Variants in SMARCD1 observed in about 807,000 individuals in gnomAD.
SMARCD1 encodes SWI/SNF related BAF chromatin remodeling complex subunit D1.
Under a neutral mutation model 70.8 loss-of-function variants are expected in SMARCD1, and 16 were observed. That is an observed-to-expected ratio of 0.23 (90% CI 0.15 to 0.34). SMARCD1 has a LOEUF of 0.34. SMARCD1 is among the 10% of genes least tolerant of loss of function. SMARCD1 has a pLI of 1.00. For missense variants in SMARCD1, 409 were observed against 655.5 expected (o/e 0.62, Z 4.11); for synonymous variants, 249 against 246.0 (o/e 1.01, Z -0.11).
chr12:50,089,654 C>T (rs1434654588), intron 6 of SMARCD1, among the ~76,000 whole-genome samples: 1 of 152,212 alleles, frequency 6.6e-6, no homozygotes, highest in Non-Finnish European at 1.5e-5. Flanking sequence ...AAAATTATCA[C>T]TGGACATTGA....
chr12:50,097,719 C>T (rs1368237278), intron 11 of SMARCD1, among the ~76,000 whole-genome samples: 3 of 151,452 alleles, frequency 2.0e-5, no homozygotes, highest in Non-Finnish European at 4.4e-5. Context: ...TGGTGAAACC[C>T]CATCTCTACT....
intron 9 of SMARCD1, among the ~76,000 whole-genome samples, chr12:50,092,235 C>CTTTTTTTTTTTTTTTTTTTTTTTTT (rs60619880): frequency 2.5e-4 from 23 of 91,154 alleles, no homozygotes; most frequent in Admixed American, 4.4e-4. Context: ...TTCTTTCTTT[C>CTTTTTTTTTTTTTTTTTTTTTTTTT]TTTTTTTTTT....
chr12:50,098,906 G>C (rs1410745396), intron 12 of SMARCD1, 41 bp from the exon 13 acceptor site: 8 of 1,610,892 alleles, frequency 5.0e-6, no homozygotes, highest in Non-Finnish European at 6.8e-6. Flanking sequence ...CCAACTTCTG[G>C]TTTGTCTCAT....
chr12:50,087,308 C>G (rs1462886890), intron 4 of SMARCD1, 55 bp from the exon 5 acceptor site: 9 of 1,597,526 alleles, frequency 5.6e-6, no homozygotes, highest in Non-Finnish European at 6.8e-6. Flanking sequence ...AGACCGTTGT[C>G]TTCAACATCA....
chr12:50,088,487 T>G (rs1427676664), intron 5 of SMARCD1, 34 bp from the exon 6 acceptor site: 2 of 1,235,560 alleles, frequency 1.6e-6, no homozygotes, highest in Non-Finnish European at 2.3e-6. Flanking sequence ...TCTTCTGGCC[T>G]TTCCTAATGT....
Position 50,088,629 on chromosome 12 carries a change from C to G in SMARCD1, c.763C>G (p.Leu255Val). Residue 255 changes from leucine (L) to valine (V), a missense_variant, in exon 6 of 13, where the codon CTG becomes GTG. Leu to Val is a conservative substitution (Grantham distance 32, BLOSUM62 1). This residue lies in a region of SMARCD1 where 269 missense variants were observed against 498.6 expected (regional missense o/e 0.54). Coordinates refer to ENST00000394963, the MANE Select transcript of SMARCD1 (RefSeq NM_003076.5). ...AGACCTGTATGGGCCAGACAACCAT[C>G]TGGTAGAAGTGAGTAGCTCTGCCTT... The part of the protein sequence containing the change: ...DKDLYGPDNH[L>V]VEWHRTATTQ... The G allele has an allele frequency of 6.4e-7, 1 of 1,558,382 alleles. No individual in the cohort carries two copies. The highest frequency in any genetic ancestry group is 8.8e-7 in the Non-Finnish European group (1 of 1,132,886).
rs1950933158 is a variant in SMARCD1 at position 50,100,675 on chromosome 12, C to G, written c.*1675C>G. The stretch of plus-strand genomic sequence containing the variant: ...TCCTCCTACCTACTGTGAGAGAGCT[C>G]TTCCCTGAGCTCTTCTTCCTTCAAT... On this transcript the variant is annotated 3_prime_UTR_variant, in exon 13 of 13. Transcript: ENST00000394963. 1 of 152,626 alleles carries G rather than the reference C, an allele frequency of 6.6e-6. No homozygotes were observed. The highest frequency in any genetic ancestry group is 2.1e-4 in the South Asian group (1 of 4,832). 9.5% of individuals were successfully genotyped at this position (152,626 alleles called of 1,614,324 possible).
chr12:50,092,611 T>G (rs1313200560), intron 9 of SMARCD1, among the ~76,000 whole-genome samples: 2 of 152,000 alleles, frequency 1.3e-5, no homozygotes, highest in African/African-American at 4.8e-5. Flanking sequence ...CCCTGAACCT[T>G]CACTTACACA....
chr12:50,087,684 T>C (rs1950803915), intron 5 of SMARCD1, among the ~76,000 whole-genome samples, 199 bp downstream of exon 5: 1 of 152,210 alleles, frequency 6.6e-6, no homozygotes, highest in Non-Finnish European at 1.5e-5. Flanking sequence ...TGGTATCATA[T>C]GGAGAACCTT....
chr12:50,098,539 C>T lies in SMARCD1; in HGVS notation c.1393-175C>T. The T allele has an allele frequency of 8.3e-6, 5 of 605,114 alleles. No homozygotes were observed. In the South Asian group the frequency reaches 9.9e-5, roughly 12 times the overall value. 37.5% of individuals were successfully genotyped at this position (605,114 alleles called of 1,614,324 possible). A position where few individuals can be genotyped will look rare whatever the true frequency, so the allele number is the denominator to read the frequency against. The stretch of plus-strand genomic sequence containing the variant: ...GGGTACTCTAATGACCTCATCTTAA[C>T]TTGAGCATCTGTAGAGACCCTATTT... On this transcript the variant is annotated intron_variant, in intron 11 of 12. Transcript: ENST00000394963.
chr12:50,092,474 G>A (rs1323269505), intron 9 of SMARCD1, among the ~76,000 whole-genome samples: 4 of 149,644 alleles, frequency 2.7e-5, no homozygotes, highest in Non-Finnish European at 4.4e-5. Flanking sequence ...CACCCGCCTC[G>A]GCCTCCCAAA....
chr12:50,098,772 A>C lies in SMARCD1; in HGVS notation c.1451A>C (p.Gln484Pro). Reference sequence around the variant, plus strand: ...GAGCGCCGAGCTGAGTTCTACTTCCAGCCCTGGGCTCAGGAGGCTGTGTGC... The same window carrying C: ...GAGCGCCGAGCTGAGTTCTACTTCCCGCCCTGGGCTCAGGAGGCTGTGTGC... ...EEERRAEFYF[Q>P]PWAQEAVCRY... The change falls in exon 12 of 13, where the codon CAG (glutamine) becomes CCG (proline). Residue 484 changes from glutamine to proline, a missense_variant. Physicochemically the swap from Gln to Pro is moderately conservative, Grantham distance 76. Coordinates refer to ENST00000394963, the MANE Select transcript of SMARCD1 (RefSeq NM_003076.5). 1 of 1,614,146 alleles carries C rather than the reference A, an allele frequency of 6.2e-7. No individual in the cohort carries two copies. Among genetic ancestry groups the C allele is most frequent in the South Asian group, 1.1e-5 (1 of 91,074 alleles).
Position 50,086,214 on chromosome 12 carries a change from A to G in SMARCD1, c.231A>G (p.Gly77=). 6.2e-7 allele frequency: 1 copy of G among 1,606,396 alleles called. No homozygotes were observed. Among genetic ancestry groups the G allele is most frequent in the Non-Finnish European group, 8.5e-7 (1 of 1,175,624 alleles). ...TGACACCTCAGGGACCTTCCATGGG[A>G]CCCCCTGGCTATGGGGGGAACCCTT... The part of the protein sequence containing the change: ...SRMTPQGPSM[G]PPGYGGNPSV... Residue 77 remains glycine, a synonymous_variant, in exon 2 of 13, where the codon GGA becomes GGG. Transcript: ENST00000394963.
In SMARCD1 at chr12:50,090,596, C is replaced by A; in HGVS notation, c.1133+6C>A. 1 of 1,605,748 alleles carries A rather than the reference C, an allele frequency of 6.2e-7. No individual in the cohort carries two copies. Among genetic ancestry groups the A allele is most frequent in the Non-Finnish European group, 8.5e-7 (1 of 1,172,454 alleles). ...ATCATTAATCATGTCATCAGGTAGG[C>A]CTGTGTGTGGGAGGCAGTGCTGTGC... is the stretch of plus-strand genomic sequence containing the variant. On this transcript the variant is annotated splice_donor_region_variant and intron_variant, in intron 9 of 12. Transcript: ENST00000394963.
chr12:50,099,166 CTTCT>C lies in SMARCD1; in HGVS notation c.*170_*173del. On this transcript the variant is annotated 3_prime_UTR_variant, in exon 13 of 13. Transcript: ENST00000394963. ...GGTCTCACAAGACACCTGTTATCCT[CTTCT>C]TTCACCCTATCTCTTCCCACCCCCA... The C allele has an allele frequency of 1.5e-6, 1 of 651,050 alleles. No individual in the cohort carries two copies. The highest frequency in any genetic ancestry group is 1.8e-5 in the South Asian group (1 of 55,694). The allele number at this position is 651,050 out of a possible 1,614,324, so 40.3% of individuals were successfully genotyped here.
At position 50,094,509 on chromosome 12, in the gene SMARCD1, C is replaced by T; in HGVS notation, c.1206C>T (p.Thr402=). 1 of 1,613,860 alleles carries T rather than the reference C, an allele frequency of 6.2e-7. No homozygotes were observed. Among genetic ancestry groups the T allele is most frequent in the Non-Finnish European group, 8.5e-7 (1 of 1,179,820 alleles). The change falls in exon 10 of 13, where the codon ACC becomes ACT. Residue 402 remains threonine, a synonymous_variant. Transcript: ENST00000394963. The stretch of plus-strand genomic sequence containing the variant: ...TTGAAGTGGATGACACCTTGAAGAC[C>T]CAGATGAATTCTTTTCTGCTGTCCA... ...IDVEVDDTLK[T]QMNSFLLSTA...
chr12:50,088,649 T>G lies in SMARCD1; in HGVS notation c.771+12T>G. The G allele has an allele frequency of 7.1e-7, 1 of 1,399,654 alleles. No individual in the cohort carries two copies. Among genetic ancestry groups the G allele is most frequent in the Non-Finnish European group, 1.0e-6 (1 of 991,124 alleles). 86.7% of individuals were successfully genotyped at this position (1,399,654 alleles called of 1,614,324 possible). A position where few individuals can be genotyped will look rare whatever the true frequency, so the allele number is the denominator to read the frequency against. ...ACCATCTGGTAGAAGTGAGTAGCTC[T>G]GCCTTCTAGGCTTTGACTCTGATTG... On this transcript the variant is annotated intron_variant, in intron 6 of 12. Transcript: ENST00000394963.
intron 9 of SMARCD1, among the ~76,000 whole-genome samples, chr12:50,092,882 A>G (rs868529684): frequency 4.6e-5 from 7 of 152,142 alleles, no homozygotes; most frequent in Admixed American, 6.5e-5. Context: ...GAAACAATAA[A>G]AAAAGATTTG....
chr12:50,091,224 G>T (rs576998486), intron 9 of SMARCD1, among the ~76,000 whole-genome samples: 1 of 151,518 alleles, frequency 6.6e-6, no homozygotes, highest in Non-Finnish European at 1.5e-5. Context: ...ATGTGTTACT[G>T]TGCATCTCTT....
Sources: gnomAD v4.1 joint callset for allele counts (sites outside exome capture counted in the v4.1 genomes callset) on GRCh38, gnomAD v4.1.1 for gene constraint, gnomAD v4.1.1 regional missense constraint, MANE v1.5 for transcripts, NCBI Gene and HGNC (gene_info 2026-07-23, HGNC 2026-07-21) for gene names.